ARL15: variants seen among roughly 807,000 people sequenced by gnomAD.
The protein encoded by ARL15 is ARF like GTPase 15, also known as ADP-ribosylation factor-like protein 15.
Under a neutral mutation model 25.2 loss-of-function variants are expected in ARL15, and 19 were observed. The observed-to-expected ratio is 0.75, with a 90% confidence interval of 0.53 to 1.10. ARL15 has a LOEUF of 1.10. ARL15 is among the 50% of genes least tolerant of loss of function. The probability of loss-of-function intolerance (pLI) is 0.00; values close to 1 mark genes in which losing one functional copy is unlikely to be tolerated. For missense variants in ARL15, 220 were observed against 246.0 expected (o/e 0.89, Z 0.71); for synonymous variants, 94 against 86.8 (o/e 1.08, Z -0.46).
chr5:54,287,133 G>A (rs1435873047), intron 1 of ARL15, among the ~76,000 whole-genome samples: 3 of 152,144 alleles, frequency 2.0e-5, no homozygotes, highest in African/African-American at 7.2e-5. Context: ...TCCCACCTCG[G>A]CCTGCCAAAG....
chr5:53,964,515 A>G (rs1158487331), intron 4 of ARL15, among the ~76,000 whole-genome samples: 1 of 151,952 alleles, frequency 6.6e-6, no homozygotes, highest in Non-Finnish European at 1.5e-5. Flanking sequence ...GCCCACCACC[A>G]TGCCTGGCTA....
At chr5:54,224,426 C>T (rs1439442222) in intron 1 of ARL15, among the ~76,000 whole-genome samples, 1 of 152,202 alleles carries the variant, frequency 6.6e-6, no homozygotes, top group Non-Finnish European at 1.5e-5. Flanking sequence ...GCAGGACAGA[C>T]ACGTGCAATA....
At chr5:54,300,203 T>A (rs1254581986) in intron 1 of ARL15, among the ~76,000 whole-genome samples, 1 of 152,142 alleles carries the variant, frequency 6.6e-6, no homozygotes, top group African/African-American at 2.4e-5. Context: ...AAGAACACAG[T>A]AAAAGTGACA....
At chr5:54,100,419 C>T (rs920583518) in intron 4 of ARL15, among the ~76,000 whole-genome samples, 3 of 151,840 alleles carry the variant, frequency 2.0e-5, no homozygotes, top group Non-Finnish European at 2.9e-5. Context: ...CATTTTATCA[C>T]GGGTAATGGG....
At chr5:54,200,410 G>A (rs573691989) in intron 1 of ARL15, among the ~76,000 whole-genome samples, 4 of 151,688 alleles carry the variant, frequency 2.6e-5, no homozygotes, top group East Asian at 1.9e-4. Flanking sequence ...AGTCCTCATC[G>A]GAGGCACTGC....
chr5:54,232,359 T>C (rs1229339819), intron 1 of ARL15, among the ~76,000 whole-genome samples: 1 of 151,950 alleles, frequency 6.6e-6, no homozygotes, highest in Non-Finnish European at 1.5e-5. Context: ...TCAATAAATA[T>C]CATTGTCAAA....
intron 4 of ARL15, among the ~76,000 whole-genome samples, chr5:53,919,896 T>C (rs1219953633): frequency 6.6e-6 from 1 of 152,188 alleles, no homozygotes; most frequent in Admixed American, 6.5e-5. Context: ...AATCAAGTAA[T>C]CTTGAACCGA....
At chr5:54,009,103 T>G (rs3776706) in intron 4 of ARL15, among the ~76,000 whole-genome samples, 41,985 of 152,090 alleles carry the variant, frequency 0.28, 6,015 homozygotes, top group East Asian at 0.46. Context: ...AAACAAAAGG[T>G]GCTTCATATT....
intron 1 of ARL15, among the ~76,000 whole-genome samples, chr5:54,254,514 A>G (rs1210321923): frequency 2.0e-5 from 3 of 152,262 alleles, no homozygotes; most frequent in Non-Finnish European, 4.4e-5. Context: ...ATCTTAATAC[A>G]TAAATCATAA....
intron 4 of ARL15, among the ~76,000 whole-genome samples, chr5:54,058,350 C>T (rs1750953808): frequency 1.3e-5 from 2 of 152,054 alleles, no homozygotes. Flanking sequence ...TTTTTTCCTA[C>T]AACTTTGTAG....
At chr5:54,168,784 C>T (rs1394641562) in intron 2 of ARL15, among the ~76,000 whole-genome samples, 1 of 152,130 alleles carries the variant, frequency 6.6e-6, no homozygotes, top group African/African-American at 2.4e-5. Context: ...CTTTCTTTGA[C>T]CCTCCAGATT....
At position 53,987,675 on chromosome 5, in the gene ARL15, A is replaced by C. The variant is rs540502157; in HGVS notation, c.463-100962T>G. 5.3e-5 allele frequency among the ~76,000 whole-genome samples: 8 copies of C among 152,164 alleles called. No individual in the cohort carries two copies. In the South Asian group the frequency reaches 1.7e-3, roughly 32 times the overall value. On this transcript the variant is annotated intron_variant, in intron 4 of 4. Transcript: ENST00000504924. ...CAGAAATTAACTTCTCTGAGGCTGG[A>C]CTCGATGGTTCACACCTGTAATCCC...
chr5:54,161,971 T>A (rs1402443654), intron 2 of ARL15, among the ~76,000 whole-genome samples: 2 of 143,816 alleles, frequency 1.4e-5, no homozygotes, highest in Non-Finnish European at 3.0e-5. Context: ...TCCACCCCCT[T>A]TGTTCTTCTT....
At chr5:54,278,929 G>A (rs1467050087) in intron 1 of ARL15, among the ~76,000 whole-genome samples, 1 of 152,212 alleles carries the variant, frequency 6.6e-6, no homozygotes, top group African/African-American at 2.4e-5. Flanking sequence ...AACCTAGGAA[G>A]CTTTCTGTCC....
chr5:53,888,063 A>C (rs111818134), intron 4 of ARL15, among the ~76,000 whole-genome samples: 2,504 of 152,126 alleles, frequency 0.016, 59 homozygotes, highest in Non-Finnish European at 0.02. Flanking sequence ...CAATGTCTGA[A>C]AGTTCATAAT....
At chr5:54,305,211 A>C (rs1424338628) in intron 1 of ARL15, among the ~76,000 whole-genome samples, 1 of 152,142 alleles carries the variant, frequency 6.6e-6, no homozygotes, top group Non-Finnish European at 1.5e-5. Flanking sequence ...ATTAAATCCC[A>C]AACACTGGCA....
chr5:53,956,199 A>T (rs1240135122), intron 4 of ARL15, among the ~76,000 whole-genome samples: 1 of 151,986 alleles, frequency 6.6e-6, no homozygotes, highest in African/African-American at 2.4e-5. Flanking sequence ...ATCTGAATGG[A>T]AGCTAAAGGA....
intron 4 of ARL15, among the ~76,000 whole-genome samples, chr5:54,110,348 G>C (rs1752704642): frequency 1.3e-5 from 2 of 152,028 alleles, no homozygotes; most frequent in Admixed American, 1.3e-4. Context: ...TCAACCAATA[G>C]TGTGTTTGTA....
At chr5:54,131,228 C>A (rs1400654524) in intron 3 of ARL15, among the ~76,000 whole-genome samples, 1 of 152,308 alleles carries the variant, frequency 6.6e-6, no homozygotes, top group South Asian at 2.1e-4. Flanking sequence ...GCTTATTAGC[C>A]TGTCATTCAA....
Sources: gnomAD v4.1 joint callset for allele counts (sites outside exome capture counted in the v4.1 genomes callset) on GRCh38, gnomAD v4.1.1 for gene constraint, MANE v1.5 for transcripts, NCBI Gene and HGNC (gene_info 2026-07-23, HGNC 2026-07-21) for gene names.